FAM178B: variants seen among roughly 807,000 people sequenced by gnomAD.
FAM178B encodes protein FAM178B.
A neutral mutation model predicts 91.7 loss-of-function variants in FAM178B; 82 were observed. The observed-to-expected ratio is 0.89, with a 90% CI of 0.75 to 1.07. The LOEUF is 1.07. FAM178B is among the 50% of genes least tolerant of loss of function. FAM178B has a pLI of 0.00. For missense variants in FAM178B, 769 were observed against 846.7 expected (o/e 0.91, Z 1.14); for synonymous variants, 368 against 359.4 (o/e 1.02, Z -0.27).
At chr2:96,972,830 T>C (rs547083653) in intron 1 of FAM178B, among the ~76,000 whole-genome samples, 1 of 152,152 alleles carries the variant, frequency 6.6e-6, no homozygotes, top group South Asian at 2.1e-4. Flanking sequence ...ATCAATTTTC[T>C]TTTTTTAGAC....
chr2:96,888,191 G>T (rs2080575711), intron 14 of FAM178B, among the ~76,000 whole-genome samples: 1 of 152,230 alleles, frequency 6.6e-6, no homozygotes, highest in African/African-American at 2.4e-5. Context: ...AAAGATGTCT[G>T]ATGTTCTGTA....
chr2:96,882,202 C>A (rs943299251), intron 14 of FAM178B, among the ~76,000 whole-genome samples: 11 of 152,212 alleles, frequency 7.2e-5, no homozygotes, highest in African/African-American at 2.4e-4. Context: ...CCCACCAGAC[C>A]CCTCTCTCTG....
intron 7 of FAM178B, 76 bp from the exon 8 acceptor site, chr2:96,947,978 T>C (rs1574288683): frequency 1.4e-5 from 10 of 725,114 alleles, no homozygotes; most frequent in Non-Finnish European, 2.4e-5. Flanking sequence ...AGCAAACTTC[T>C]ATTACTCCAC....
chr2:96,979,579 G>A lies in FAM178B; in HGVS notation c.73+6662C>T, dbSNP rs116139505. Among the ~76,000 whole-genome samples, 1,133 of 152,218 alleles carry A rather than the reference G, an allele frequency of 7.4e-3. 11 individuals are homozygous for A. The highest frequency in any genetic ancestry group is 0.026 in the African/African-American group (1,075 of 41,494). ...CCATAACTTTGCTATTGTGACTAGTGCTGTGATAAACATATGAGTGCAAGT... is the reference window on the plus strand; with the variant it reads ...CCATAACTTTGCTATTGTGACTAGTACTGTGATAAACATATGAGTGCAAGT... On this transcript the variant is annotated intron_variant, in intron 1 of 16. Transcript: ENST00000490605.
intron 8 of FAM178B, among the ~76,000 whole-genome samples, chr2:96,936,916 C>G (rs1298756826): frequency 6.6e-6 from 1 of 152,046 alleles, no homozygotes; most frequent in Non-Finnish European, 1.5e-5. Context: ...GGTGGTTGCT[C>G]TCATCTCAAT....
At chr2:96,905,881 TTTTTTTTG>T (rs1421439142) in intron 12 of FAM178B, among the ~76,000 whole-genome samples, 3 of 94,426 alleles carry the variant, frequency 3.2e-5, no homozygotes, top group South Asian at 3.5e-4. Context: ...TTTTTTTTTT[TTTTTTTTG>T]AGATGGAGTT....
At chr2:96,883,291 CA>C (rs1259383727) in intron 14 of FAM178B, among the ~76,000 whole-genome samples, 1 of 152,248 alleles carries the variant, frequency 6.6e-6, no homozygotes, top group Non-Finnish European at 1.5e-5. Context: ...AAAGGGTGGA[CA>C]TTTCCCAGGA....
intron 16 of FAM178B, among the ~76,000 whole-genome samples, chr2:96,876,709 G>T (rs2080250703): frequency 6.6e-6 from 1 of 151,900 alleles, no homozygotes; most frequent in South Asian, 2.1e-4. Flanking sequence ...GGTTATAGGG[G>T]AAGGACAAAA....
rs1023560463 is a variant in FAM178B at position 96,986,111 on chromosome 2, C to G, written c.73+130G>C. 107 of 1,465,120 alleles carry G rather than the reference C, an allele frequency of 7.3e-5. 2 individuals carry two copies. The South Asian group carries it at 1.4e-3, about 20-fold the overall frequency. 90.8% of individuals were successfully genotyped at this position (1,465,120 alleles called of 1,614,324 possible). A position where few individuals can be genotyped will look rare whatever the true frequency, so the allele number is the denominator to read the frequency against. The stretch of plus-strand genomic sequence containing the variant: ...CGGGGTCGCAGGAACCTGAAAAGCG[C>G]CAGAGTAGCCCGGCGGCCGCACCGG... On this transcript the variant is annotated intron_variant, in intron 1 of 16. Coordinates refer to ENST00000490605, the MANE Select transcript of FAM178B (RefSeq NM_001122646.3).
chr2:96,964,624 C>T (rs1363885521), intron 5 of FAM178B, among the ~76,000 whole-genome samples: 1 of 71,570 alleles, frequency 1.4e-5, no homozygotes, highest in Non-Finnish European at 3.0e-5. Flanking sequence ...GGCCTACAGA[C>T]GTGCTGTTAC....
At chr2:96,903,220 T>C (rs942096855) in intron 12 of FAM178B, among the ~76,000 whole-genome samples, 5 of 152,168 alleles carry the variant, frequency 3.3e-5, no homozygotes, top group Non-Finnish European at 7.3e-5. Context: ...TTTGTATTTT[T>C]AGTAGAGACA....
At chr2:96,878,114 G>A (rs1359343688) in intron 15 of FAM178B, 72 bp from the exon 16 acceptor site, 22 of 1,533,774 alleles carry the variant, frequency 1.4e-5, no homozygotes, top group Non-Finnish European at 1.8e-5. Flanking sequence ...GGCAGGAGGA[G>A]AACAAATTCA....
At chr2:96,928,875 T>C (rs1363416581) in intron 9 of FAM178B, among the ~76,000 whole-genome samples, 2 of 152,008 alleles carry the variant, frequency 1.3e-5, no homozygotes, top group African/African-American at 2.4e-5. Flanking sequence ...TGGCTGGGCA[T>C]GGGGTGGCTC....
At chr2:96,970,450 A>G (rs2082201867) in intron 4 of FAM178B, among the ~76,000 whole-genome samples, 1 of 152,166 alleles carries the variant, frequency 6.6e-6, no homozygotes, top group Non-Finnish European at 1.5e-5. Context: ...ACACCCTCAA[A>G]CTGGCAGGAG....
chr2:96,928,996 A>G (rs972942141), intron 9 of FAM178B, among the ~76,000 whole-genome samples: 67 of 152,092 alleles, frequency 4.4e-4, no homozygotes, highest in Non-Finnish European at 1.0e-4. Flanking sequence ...CACCTCTACA[A>G]AAAATTAAAA....
chr2:96,905,852 A>ACG (rs1240805051), intron 12 of FAM178B, among the ~76,000 whole-genome samples: 1 of 27,772 alleles, frequency 3.6e-5, no homozygotes, highest in African/African-American at 2.0e-4. Flanking sequence ...ATATATATAT[A>ACG]TATATATATT....
intron 14 of FAM178B, among the ~76,000 whole-genome samples, chr2:96,889,228 C>G (rs544834040): frequency 3.7e-4 from 56 of 152,320 alleles, no homozygotes; most frequent in African/African-American, 1.3e-3. Flanking sequence ...CTTTGTGGTC[C>G]TTAGTTTCTT....
At chr2:96,916,303 C>T (rs1019564069) in intron 12 of FAM178B, among the ~76,000 whole-genome samples, 5 of 152,198 alleles carry the variant, frequency 3.3e-5, no homozygotes, top group Non-Finnish European at 7.3e-5. Context: ...ACTGTCCTTT[C>T]GGATTGATTC....
intron 12 of FAM178B, among the ~76,000 whole-genome samples, chr2:96,911,342 G>C (rs1419911493): frequency 6.6e-6 from 1 of 152,234 alleles, no homozygotes; most frequent in Admixed American, 6.5e-5. Flanking sequence ...AGGCAGAGGA[G>C]GACAATGGGA....
Sources: allele counts gnomAD v4.1 joint callset (sites outside exome capture counted in the v4.1 genomes callset), GRCh38; gene constraint gnomAD v4.1.1; transcripts MANE v1.5; gene names NCBI Gene and HGNC (gene_info 2026-07-23, HGNC 2026-07-21).